The following RADIL variants were observed in gnomAD, a reference collection of about 807,000 sequenced individuals.
RADIL encodes Rap associating with DIL domain, also known as ras-associating and dilute domain-containing protein.
Under a neutral mutation model 97.6 loss-of-function variants are expected in RADIL, and 99 were observed. The observed-to-expected ratio is 1.01, with a 90% CI of 0.86 to 1.20. RADIL has a LOEUF of 1.20. Ranked by LOEUF, RADIL falls within the 50% of genes most tolerant of loss-of-function variation. The probability of loss-of-function intolerance (pLI) is 0.00; values close to 1 mark genes in which losing one functional copy is unlikely to be tolerated. For synonymous variants in RADIL, 803 were observed against 691.8 expected (o/e 1.16, Z -2.52); for missense variants, 1,765 against 1,498.9 (o/e 1.18, Z -2.93).
intron 2 of RADIL, among the ~76,000 whole-genome samples, chr7:4,856,716 T>C (rs981910889): frequency 2.0e-5 from 3 of 152,250 alleles, no homozygotes; most frequent in African/African-American, 7.2e-5. Context: ...ACTTTTGATA[T>C]AGCAAGAGGT....
rs537431899 is a variant in RADIL, at chr7:4,827,755, T to G, written c.1454+4386A>C. Among the ~76,000 whole-genome samples the G allele has an allele frequency of 8.5e-5, 13 of 152,306 alleles. No individual in the cohort carries two copies. In the South Asian group the frequency reaches 2.5e-3, roughly 29 times the overall value. ...AACACGGGTCTCCCTCCCCGAGGAC[T>G]CTGGCCCGGATGTTCTTCCAGCAAA... On this transcript the variant is annotated intron_variant, in intron 5 of 14. Coordinates refer to ENST00000399583, the MANE Select transcript of RADIL (RefSeq NM_018059.5).
At chr7:4,855,189 G>A (rs139478307) in intron 2 of RADIL, among the ~76,000 whole-genome samples, 37 of 152,282 alleles carry the variant, frequency 2.4e-4, no homozygotes, top group Non-Finnish European at 4.9e-4. Context: ...TATGTGGATT[G>A]TTTGGAACTT....
chr7:4,812,553 C>G (rs963551216), intron 9 of RADIL, among the ~76,000 whole-genome samples: 3 of 152,174 alleles, frequency 2.0e-5, no homozygotes. Context: ...TCCCAAGTAG[C>G]TGAAATTACA....
At chr7:4,811,764 G>A (rs545177641) in intron 9 of RADIL, among the ~76,000 whole-genome samples, 1 of 152,240 alleles carries the variant, frequency 6.6e-6, no homozygotes, top group East Asian at 1.9e-4. Context: ...TGGGATTACA[G>A]GCGTGAGCCA....
chr7:4,875,270 G>T lies in RADIL; in HGVS notation c.535+2335C>A, dbSNP rs188834430. 5.0e-5 allele frequency among the ~76,000 whole-genome samples: 6 copies of T among 120,936 alleles called. 1 individual carries two copies. The highest frequency in any genetic ancestry group is 1.4e-4 in the African/African-American group (3 of 20,738). 79.3% of individuals were successfully genotyped at this position (120,936 alleles called of 152,430 possible). A position where few individuals can be genotyped will look rare whatever the true frequency, so the allele number is the denominator to read the frequency against. Reference sequence around the variant, plus strand: ...GCCGGGCGTGGTGGTGGTGCATGCCGTAATCCCAGCTATTCAGGAGGCTGA... The same window carrying T: ...GCCGGGCGTGGTGGTGGTGCATGCCTTAATCCCAGCTATTCAGGAGGCTGA... On this transcript the variant is annotated intron_variant, in intron 2 of 14. Coordinates refer to ENST00000399583, the MANE Select transcript of RADIL (RefSeq NM_018059.5).
intron 9 of RADIL, 137 bp from the exon 10 acceptor site, chr7:4,805,853 G>A: frequency 7.1e-7 from 1 of 1,401,106 alleles, no homozygotes; most frequent in South Asian, 1.7e-5. Context: ...GGGGCCATCT[G>A]TGAGGGGGAC....
rs1387913289 is a variant in RADIL at position 4,799,397 on chromosome 7, A to C, written c.3209T>G (p.Phe1070Cys). The change falls in exon 15 of 15, where the codon TTC becomes TGC. Residue 1070 changes from phenylalanine (F) to cysteine (C), a missense_variant. Transcript: ENST00000399583. ...SDVETAKKIH[F>C]RTPPL The stretch of plus-strand genomic sequence containing the variant: ...GCCCCCCTAGAGAGGGGGCGTGCGG[A>C]AATGGATCTTCTTGGCTGTTTCCAC... 23 of 1,613,610 alleles carry C rather than the reference A, an allele frequency of 1.4e-5. No homozygotes were observed. Among genetic ancestry groups the C allele is most frequent in the Non-Finnish European group, 1.9e-5 (22 of 1,179,972 alleles).
chr7:4,877,780 G>C lies in RADIL; in HGVS notation c.360C>G (p.Gly120=). The C allele has an allele frequency of 6.2e-7, 1 of 1,612,180 alleles. No homozygotes were observed. Among genetic ancestry groups the C allele is most frequent in the Non-Finnish European group, 8.5e-7 (1 of 1,179,960 alleles). ...YVLCDVVGQA[G]DAGQRWQARC... ...GGGCCTGCCACCGCTGCCCAGCATC[G>C]CCGGCTTGGCCCACCACGTCACACA... The change falls in exon 2 of 15, where the codon GGC becomes GGG. Residue 120 remains glycine, a synonymous_variant. Coordinates refer to ENST00000399583, the MANE Select transcript of RADIL (RefSeq NM_018059.5).
At chr7:4,804,079 CG>C in intron 10 of RADIL, 1 of 378,688 alleles carries the variant, frequency 2.6e-6, no homozygotes, top group Non-Finnish European at 5.1e-6. Flanking sequence ...ATGGTGTCTC[CG>C]GGTAACTGGA....
chr7:4,869,565 G>A (rs1784207494), intron 2 of RADIL, among the ~76,000 whole-genome samples: 1 of 149,782 alleles, frequency 6.7e-6, no homozygotes, highest in Non-Finnish European at 1.5e-5. Flanking sequence ...TATAGCTGAA[G>A]CCAGTTATCC....
chr7:4,825,721 C>G (rs1782955565), intron 5 of RADIL, among the ~76,000 whole-genome samples: 1 of 151,456 alleles, frequency 6.6e-6, no homozygotes, highest in Non-Finnish European at 1.5e-5. Flanking sequence ...ATTAAAAATA[C>G]AAAAATTAGC....
rs1458246959 is a variant in RADIL, at chr7:4,835,006, C to T, written c.1017G>A (p.Leu339=). ...FSEVGHRTVV[L]HHGDLLSLGL... ...CCAGGGAGAGCAGGTCCCCGTGGTG[C>T]AGCACCACGGTCCTGTGCCCCACCT... is the stretch of plus-strand genomic sequence containing the variant. Residue 339 remains leucine (L), a synonymous_variant, in exon 4 of 15, where the codon CTG becomes CTA. Transcript: ENST00000399583. This position sits in a 1 kb window ranked among gnomAD's most constrained non-coding sequence, Gnocchi z 5.8. 4 of 1,611,352 alleles carry T rather than the reference C, an allele frequency of 2.5e-6. No homozygotes were observed. Among genetic ancestry groups the T allele is most frequent in the Non-Finnish European group, 2.5e-6 (3 of 1,179,350 alleles).
chr7:4,799,859 G>A, intron 13 of RADIL, 90 bp from the exon 14 acceptor site: 1 of 1,427,742 alleles, frequency 7.0e-7, no homozygotes, highest in Non-Finnish European at 9.1e-7. Context: ...GCACCTACAG[G>A]CCCCCGCCTG....
Position 4,817,468 on chromosome 7 carries a change from G to A in RADIL, c.1616-117C>T. 1.2e-6 allele frequency: 1 copy of A among 823,642 alleles called. No homozygotes were observed. Among genetic ancestry groups the A allele is most frequent in the Non-Finnish European group, 1.9e-6 (1 of 534,404 alleles). 51.0% of individuals were successfully genotyped at this position (823,642 alleles called of 1,614,324 possible). ...GGCACCACCCAACGCGCCCATCTGG[G>A]GTCCAGATGCGATAAACTGGCCGAG... is the stretch of plus-strand genomic sequence containing the variant. On this transcript the variant is annotated intron_variant, in intron 6 of 14. Coordinates refer to ENST00000399583, the MANE Select transcript of RADIL (RefSeq NM_018059.5). This position sits in a 1 kb window ranked among gnomAD's most constrained non-coding sequence, Gnocchi z 8.3.
chr7:4,866,910 A>T (rs1022864123), intron 2 of RADIL, among the ~76,000 whole-genome samples: 2 of 152,206 alleles, frequency 1.3e-5, no homozygotes, highest in South Asian at 2.1e-4. Flanking sequence ...CGTTCTGGCA[A>T]GACCAGATCG....
In RADIL at chr7:4,873,095, T is replaced by C. The variant is rs1381882432; in HGVS notation, c.535+4510A>G. On this transcript the variant is annotated intron_variant, in intron 2 of 14. Transcript: ENST00000399583. This position sits in a 1 kb window ranked among gnomAD's most constrained non-coding sequence, Gnocchi z 4.3. ...ACAGGTATGCACCATCATGCCCGGC[T>C]ACTTCTTTTATATTTTCAGTAGAGA... 2.6e-5 allele frequency among the ~76,000 whole-genome samples: 4 copies of C among 152,110 alleles called. No individual in the cohort carries two copies. Among genetic ancestry groups the C allele is most frequent in the African/African-American group, 9.7e-5 (4 of 41,402 alleles).
Position 4,880,452 on chromosome 7 carries a change from G to A in RADIL, c.-64-2249C>T, listed in dbSNP as rs1014591046. 1.4e-4 allele frequency among the ~76,000 whole-genome samples: 22 copies of A among 152,112 alleles called. No homozygotes were observed. The highest frequency in any genetic ancestry group is 5.1e-4 in the African/African-American group (21 of 41,416). On this transcript the variant is annotated intron_variant, in intron 1 of 14. Transcript: ENST00000399583. The surrounding 1 kb of genome is among the most constrained non-coding windows in gnomAD (Gnocchi z 4.5). ...TCTAGTCTGACCTCAGTCTCCTGTGGTCAGTTTTCAAAGTGAGTACTTGGA... is the reference window on the plus strand; with the variant it reads ...TCTAGTCTGACCTCAGTCTCCTGTGATCAGTTTTCAAAGTGAGTACTTGGA...
rs376063861 is a variant in RADIL at position 4,879,060 on chromosome 7, C to T, written c.-64-857G>A. 7.2e-5 allele frequency among the ~76,000 whole-genome samples: 11 copies of T among 152,342 alleles called. No individual in the cohort carries two copies. The highest frequency in any genetic ancestry group is 2.6e-4 in the African/African-American group (11 of 41,590). ...CCGTCCTGGCTTGAAGGAGATACTC[C>T]CTGGGATGGCAGCACTGAGTGGCCT... On this transcript the variant is annotated intron_variant, in intron 1 of 14. Coordinates refer to ENST00000399583, the MANE Select transcript of RADIL (RefSeq NM_018059.5). The surrounding 1 kb of genome is among the most constrained non-coding windows in gnomAD (Gnocchi z 4.1).
At position 4,834,385 on chromosome 7, in the gene RADIL, G is replaced by A. The variant is rs1783233077; in HGVS notation, c.1416+222C>T. 2.6e-5 allele frequency among the ~76,000 whole-genome samples: 4 copies of A among 152,282 alleles called. No homozygotes were observed. The South Asian group carries it at 8.3e-4, about 32-fold the overall frequency. On this transcript the variant is annotated intron_variant, in intron 4 of 14. Coordinates refer to ENST00000399583, the MANE Select transcript of RADIL (RefSeq NM_018059.5). The surrounding 1 kb of genome is among the most constrained non-coding windows in gnomAD (Gnocchi z 6.0). ...GGACCCCACGCAAACCCCACCCTCA[G>A]GGGCAAAGGGCTGCAGCTGACACCT...
Sources: gnomAD v4.1 joint callset for allele counts (sites outside exome capture counted in the v4.1 genomes callset) on GRCh38, gnomAD v4.1.1 for gene constraint, Gnocchi (gnomAD v3.1) non-coding constraint, MANE v1.5 for transcripts, NCBI Gene and HGNC (gene_info 2026-07-23, HGNC 2026-07-21) for gene names.